Variants in PTH2R observed in about 807,000 individuals in gnomAD.
PTH2R encodes the protein PTH2 receptor.
Under a neutral mutation model 60.3 loss-of-function variants are expected in PTH2R, and 59 were observed. The ratio of observed to expected loss-of-function variants is 0.98; its 90% CI spans 0.79 to 1.22. PTH2R has a LOEUF of 1.22. PTH2R is among the 50% of genes most tolerant of loss of function. The pLI, the probability that PTH2R is intolerant of heterozygous loss-of-function variation, is 0.00. For synonymous variants in PTH2R, 256 were observed against 243.8 expected, an observed-to-expected ratio of 1.05 and a Z score of -0.47; for missense variants, 749 against 682.6, an observed-to-expected ratio of 1.10 and a Z score of -1.08.
chr2:208,360,219 G>T (rs1700423829), exon 1 of PTH2R: 1 of 454,230 alleles, frequency 2.2e-6, no homozygotes, highest in Admixed American at 2.4e-5. Flanking sequence ...CAAGAAAAAG[G>T]CACAGGTTCC....
Position 208,489,036 on chromosome 2 carries a change from C to T in PTH2R, c.1101C>T (p.Val367=). The change falls in exon 11 of 13, where the codon GTC becomes GTT. Residue 367 remains valine (V), a synonymous_variant. Coordinates refer to ENST00000272847, the MANE Select transcript of PTH2R (RefSeq NM_005048.4). ...QYRKLAKSTL[V]LVLVFGVHYI... ...GGAAACTGGCCAAATCGACACTGGT[C>T]CTGGTCCTAGTCTTTGGAGTGCATT... is the stretch of plus-strand genomic sequence containing the variant. 6.2e-7 allele frequency: 1 copy of T among 1,614,024 alleles called. No homozygotes were observed. Among genetic ancestry groups the T allele is most frequent in the Non-Finnish European group, 8.5e-7 (1 of 1,179,976 alleles).
intron 2 of PTH2R, among the ~76,000 whole-genome samples, chr2:208,432,899 T>A (rs997146648): frequency 6.6e-6 from 1 of 152,176 alleles, no homozygotes; most frequent in Admixed American, 6.5e-5. Flanking sequence ...CCACCCTCAA[T>A]GAGGGTCCAC....
intron 12 of PTH2R, among the ~76,000 whole-genome samples, chr2:208,491,837 T>C (rs1183009957): frequency 1.3e-5 from 2 of 152,192 alleles, no homozygotes; most frequent in Non-Finnish European, 2.9e-5. Flanking sequence ...AGCTGTCTTA[T>C]CAGTGTTTTA....
At chr2:208,453,733 C>T (rs16841233) in intron 8 of PTH2R, among the ~76,000 whole-genome samples, 15,983 of 152,172 alleles carry the variant, frequency 0.11, 2,131 homozygotes, top group African/African-American at 0.31. Context: ...TTGCAGCAGT[C>T]ATTCTCAGCC....
chr2:208,387,670 A>G (rs1701026552), intron 1 of PTH2R, among the ~76,000 whole-genome samples: 1 of 152,226 alleles, frequency 6.6e-6, no homozygotes, highest in Non-Finnish European at 1.5e-5. Flanking sequence ...GCAAAATAAC[A>G]TTCAGGTGAT....
chr2:208,414,563 T>C (rs1308982384), intron 1 of PTH2R, among the ~76,000 whole-genome samples: 2 of 147,562 alleles, frequency 1.4e-5, no homozygotes, highest in Non-Finnish European at 3.0e-5. Context: ...TTTTTTTCAG[T>C]TTTTTTTTTC....
At chr2:208,441,316 C>T (rs995448578) in intron 4 of PTH2R, among the ~76,000 whole-genome samples, 1 of 152,122 alleles carries the variant, frequency 6.6e-6, no homozygotes, top group African/African-American at 2.4e-5. Flanking sequence ...AGCTTCTGTT[C>T]CGGTGGAGTT....
chr2:208,404,907 C>G (rs1701373762), upstream of PTH2R, among the ~76,000 whole-genome samples: 1 of 152,212 alleles, frequency 6.6e-6, no homozygotes, highest in African/African-American at 2.4e-5. Flanking sequence ...GACTGCCAAC[C>G]ATTTGATGGA....
At chr2:208,370,548 G>T (rs1268184258) in intron 1 of PTH2R, among the ~76,000 whole-genome samples, 1 of 149,708 alleles carries the variant, frequency 6.7e-6, no homozygotes, top group Non-Finnish European at 1.5e-5. Flanking sequence ...CTATTCCCAC[G>T]ACTGGGAGAC....
At chr2:208,372,275 ATTGAT>A (rs1337789379) in intron 1 of PTH2R, among the ~76,000 whole-genome samples, 2 of 152,088 alleles carry the variant, frequency 1.3e-5, no homozygotes, top group Non-Finnish European at 2.9e-5. Flanking sequence ...ACATCACTTG[ATTGAT>A]TTAAGAGATT....
chr2:208,435,535 A>C (rs1251096244), intron 2 of PTH2R, among the ~76,000 whole-genome samples: 1 of 152,220 alleles, frequency 6.6e-6, no homozygotes, highest in Non-Finnish European at 1.5e-5. Flanking sequence ...TAAACATGTG[A>C]GAAGGACTCA....
chr2:208,408,766 A>AGAGAG (rs58836876), intron 1 of PTH2R, among the ~76,000 whole-genome samples: 95 of 109,584 alleles, frequency 8.7e-4, no homozygotes, highest in African/African-American at 4.4e-3. Flanking sequence ...GAGAGAGAGA[A>AGAGAG]ATAAATAATA....
At chr2:208,426,616 T>C (rs1258630581) in intron 1 of PTH2R, among the ~76,000 whole-genome samples, 2 of 152,176 alleles carry the variant, frequency 1.3e-5, no homozygotes, top group Non-Finnish European at 2.9e-5. Context: ...GGGGGCGGTT[T>C]CCCCCATGCT....
At chr2:208,432,582 A>G (rs935290037) in intron 2 of PTH2R, among the ~76,000 whole-genome samples, 1 of 152,224 alleles carries the variant, frequency 6.6e-6, no homozygotes, top group Admixed American at 6.5e-5. Context: ...ATTGGCTCAC[A>G]TGATCACAGG....
intron 1 of PTH2R, among the ~76,000 whole-genome samples, chr2:208,413,742 G>T (rs756197701): frequency 2.6e-5 from 4 of 152,200 alleles, no homozygotes; most frequent in South Asian, 2.1e-4. Flanking sequence ...AACTAAAAGT[G>T]TAAGGGTTGA....
chr2:208,369,256 T>C (rs772405030), intron 1 of PTH2R, among the ~76,000 whole-genome samples: 2 of 152,024 alleles, frequency 1.3e-5, no homozygotes, highest in Non-Finnish European at 2.9e-5. Context: ...AGTGAAGATG[T>C]GCAGATGCCA....
intron 9 of PTH2R, among the ~76,000 whole-genome samples, chr2:208,468,563 T>C (rs901742218): frequency 6.6e-6 from 1 of 152,220 alleles, no homozygotes; most frequent in African/African-American, 2.4e-5. Flanking sequence ...AGTCAGTTGC[T>C]TGACCTTGTC....
At chr2:208,398,806 T>C (rs1055380210) in intron 1 of PTH2R, among the ~76,000 whole-genome samples, 3 of 152,186 alleles carry the variant, frequency 2.0e-5, no homozygotes, top group Non-Finnish European at 4.4e-5. Context: ...TATACTGGAA[T>C]TATAAAATTA....
intron 9 of PTH2R, among the ~76,000 whole-genome samples, chr2:208,465,497 G>A (rs1459412191): frequency 1.5e-5 from 2 of 135,228 alleles, no homozygotes; most frequent in African/African-American, 5.7e-5. Flanking sequence ...CTGCCTCCTG[G>A]GTTCAAGCGA....
Sources: allele counts gnomAD v4.1 joint callset (sites outside exome capture counted in the v4.1 genomes callset), GRCh38; gene constraint gnomAD v4.1.1; transcripts MANE v1.5; gene names NCBI Gene and HGNC (gene_info 2026-07-23, HGNC 2026-07-21).